Variants in RBFOX3 observed in about 807,000 individuals in gnomAD.
RBFOX3 encodes the protein RNA binding protein fox-1 homolog 3.
RBFOX3 carries 17 observed loss-of-function variants against 48.7 expected under a neutral mutation model. That is an observed-to-expected ratio of 0.35 (90% CI 0.24 to 0.52). RBFOX3 has a LOEUF of 0.52. Ranked by LOEUF, RBFOX3 falls within the 20% of genes least tolerant of loss-of-function variation. RBFOX3 has a pLI of 0.94. For missense variants in RBFOX3, 382 were observed against 497.5 expected (o/e 0.77, Z 2.21); for synonymous variants, 212 against 209.5 (o/e 1.01, Z -0.10).
At chr17:79,593,912 G>C (rs1165411119) in intron 1 of RBFOX3, among the ~76,000 whole-genome samples, 1 of 152,156 alleles carries the variant, frequency 6.6e-6, no homozygotes, top group Non-Finnish European at 1.5e-5. Flanking sequence ...GCACTTGTTG[G>C]GGGTGGGAGG....
chr17:79,241,583 G>A (rs1261791589), intron 3 of RBFOX3, among the ~76,000 whole-genome samples: 2 of 152,166 alleles, frequency 1.3e-5, no homozygotes, highest in African/African-American at 4.8e-5. Flanking sequence ...CTGTGACCAC[G>A]TGGAACTGTT....
chr17:79,559,011 G>A (rs1432167930), intron 1 of RBFOX3, among the ~76,000 whole-genome samples: 1 of 152,126 alleles, frequency 6.6e-6, no homozygotes, highest in African/African-American at 2.4e-5. Flanking sequence ...GGACTCCTGA[G>A]AGTCCCCACC....
rs190260186 is a variant in RBFOX3 at position 79,454,550 on chromosome 17, C to T, written c.-175+27904G>A. On this transcript the variant is annotated intron_variant, in intron 2 of 14. Coordinates refer to ENST00000693108, the MANE Select transcript of RBFOX3 (RefSeq NM_001350451.2). ...TATTTGTAGGTCCTCCTGGCCTGTC[C>T]ACAGCAAAGGGGTCCACTCACTCTT... 1.2e-3 allele frequency among the ~76,000 whole-genome samples: 176 copies of T among 152,288 alleles called. 5 individuals are homozygous for T. In the East Asian group the frequency reaches 0.025, roughly 21 times the overall value.
intron 9 of RBFOX3, chr17:79,098,580 C>T (rs1265328154): frequency 6.6e-6 from 1 of 152,286 alleles, no homozygotes; most frequent in African/African-American, 2.4e-5. Context: ...CCAGCCTCTC[C>T]CTTCCTGCAG....
At chr17:79,132,233 C>T (rs527631157) in intron 4 of RBFOX3, among the ~76,000 whole-genome samples, 2 of 138,072 alleles carry the variant, frequency 1.4e-5, no homozygotes, top group East Asian at 5.0e-4. Flanking sequence ...AGGCACAGAG[C>T]CCAGGAGGGG....
intron 1 of RBFOX3, among the ~76,000 whole-genome samples, chr17:79,571,995 G>A (rs2144574121): frequency 6.6e-6 from 1 of 152,286 alleles, no homozygotes; most frequent in African/African-American, 2.4e-5. Flanking sequence ...GGGAGCCATC[G>A]GGTGCAGACA....
At chr17:79,327,140 C>T (rs535476076) in intron 2 of RBFOX3, among the ~76,000 whole-genome samples, 7 of 152,182 alleles carry the variant, frequency 4.6e-5, no homozygotes, top group Admixed American at 3.9e-4. Context: ...GTACCCCCCA[C>T]ACCTTCCCCA....
chr17:79,581,523 C>T (rs1351221994), intron 1 of RBFOX3, among the ~76,000 whole-genome samples: 1 of 152,272 alleles, frequency 6.6e-6, no homozygotes, highest in East Asian at 1.9e-4. Flanking sequence ...CATTTCCATG[C>T]ACACGTGAAT....
chr17:79,147,164 C>T (rs973615876), intron 4 of RBFOX3, among the ~76,000 whole-genome samples: 13 of 152,318 alleles, frequency 8.5e-5, no homozygotes, highest in African/African-American at 2.4e-4. Context: ...CCCTCCCGTC[C>T]GTGTCGTCCT....
At chr17:79,150,161 G>C (rs1290869979) in intron 4 of RBFOX3, among the ~76,000 whole-genome samples, 1 of 151,726 alleles carries the variant, frequency 6.6e-6, no homozygotes, top group Non-Finnish European at 1.5e-5. Context: ...TTGAGGTCAG[G>C]ACAAGAGGGT....
chr17:79,334,299 C>T (rs2080856163), intron 2 of RBFOX3, among the ~76,000 whole-genome samples: 1 of 152,176 alleles, frequency 6.6e-6, no homozygotes, highest in Non-Finnish European at 1.5e-5. Flanking sequence ...CCTGCATCTG[C>T]CATCTCAGAC....
At chr17:79,587,438 G>C (rs1386858751) in intron 1 of RBFOX3, among the ~76,000 whole-genome samples, 1 of 152,238 alleles carries the variant, frequency 6.6e-6, no homozygotes, top group Non-Finnish European at 1.5e-5. Context: ...CACCAGCAAG[G>C]CTAGGGACCC....
At chr17:79,253,131 G>A (rs772398682) in intron 3 of RBFOX3, among the ~76,000 whole-genome samples, 3 of 152,016 alleles carry the variant, frequency 2.0e-5, no homozygotes, top group Non-Finnish European at 2.9e-5. Context: ...AGATCCTGGC[G>A]GCCGACAGAC....
chr17:79,133,189 C>T (rs547885726), intron 4 of RBFOX3, among the ~76,000 whole-genome samples: 4 of 152,240 alleles, frequency 2.6e-5, no homozygotes, highest in East Asian at 1.9e-4. Context: ...TCTGAGATCC[C>T]GGTAAGTTAC....
chr17:79,102,092 G>A (rs1032549902), intron 8 of RBFOX3, among the ~76,000 whole-genome samples: 10 of 152,302 alleles, frequency 6.6e-5, no homozygotes, highest in East Asian at 5.8e-4. Context: ...CCCCTCCCCC[G>A]AGGCCAGAGT....
At chr17:79,357,864 T>TA (rs1258413899) in intron 2 of RBFOX3, among the ~76,000 whole-genome samples, 2 of 151,768 alleles carry the variant, frequency 1.3e-5, no homozygotes, top group African/African-American at 4.9e-5. Flanking sequence ...GTTCATTTTT[T>TA]TAAAAAATCA....
At chr17:79,397,924 G>A (rs182067386) in intron 2 of RBFOX3, among the ~76,000 whole-genome samples, 13 of 152,268 alleles carry the variant, frequency 8.5e-5, no homozygotes, top group Admixed American at 7.2e-4. Flanking sequence ...CTGGATCACC[G>A]TGAGACGCCG....
chr17:79,547,214 C>T (rs953330862), intron 1 of RBFOX3, among the ~76,000 whole-genome samples: 3 of 152,086 alleles, frequency 2.0e-5, no homozygotes, highest in East Asian at 1.9e-4. Flanking sequence ...TTTTGGAGGC[C>T]GAGGCAGGTG....
At chr17:79,357,631 A>AAAAC (rs752155612) in intron 2 of RBFOX3, among the ~76,000 whole-genome samples, 3 of 151,532 alleles carry the variant, frequency 2.0e-5, no homozygotes, top group African/African-American at 7.3e-5. Flanking sequence ...ACTCTGTCTC[A>AAAAC]AAACAAACAA....
Sources: allele counts gnomAD v4.1 joint callset (sites outside exome capture counted in the v4.1 genomes callset), GRCh38; gene constraint gnomAD v4.1.1; transcripts MANE v1.5; gene names NCBI Gene and HGNC (gene_info 2026-07-23, HGNC 2026-07-21).